The following ARX variants were observed in gnomAD, a reference collection of about 807,000 sequenced individuals.
ARX encodes the protein aristaless related homeobox.
A neutral mutation model predicts 23.1 loss-of-function variants in ARX; 1 was observed. That is an observed-to-expected ratio of 0.04 (90% confidence interval 0.02 to 0.21). The LOEUF (loss-of-function observed/expected upper bound fraction) is 0.21. Ranked by LOEUF, ARX falls within the 10% of genes least tolerant of loss-of-function variation. ARX has a pLI of 1.00. For synonymous variants in ARX, 301 were observed against 270.1 expected (o/e 1.11, Z -1.12); for missense variants, 380 against 527.5 (o/e 0.72, Z 2.74).
At chrX:25,009,376 GTTGCTGTCACA>G (rs1383891221) in intron 3 of ARX, among the ~76,000 whole-genome samples, 1 of 111,950 alleles carries the variant, frequency 8.9e-6, no homozygotes, top group Non-Finnish European at 1.9e-5. Flanking sequence ...AAAATACGGA[GTTGCTGTCACA>G]TCTCTGTTTG....
intron 2 of ARX, among the ~76,000 whole-genome samples, chrX:25,011,047 A>G (rs2048700108): frequency 8.9e-6 from 1 of 112,272 alleles, no homozygotes; most frequent in Non-Finnish European, 1.9e-5. Context: ...TACTGCGACA[A>G]TTAAGGCAAA....
At chrX:25,007,521 C>T in intron 3 of ARX, 82 bp from the exon 4 acceptor site, 1 of 1,069,162 alleles carries the variant, frequency 9.4e-7, no homozygotes, top group East Asian at 3.7e-5. Flanking sequence ...TCCCTTGGCG[C>T]GCTGCGGGGC....
rs2048664947 is a variant in ARX, at chrX:25,003,865, A to ATAT, written c.*802_*804dup. 9.0e-6 allele frequency: 1 copy of ATAT among 111,698 alleles called. No individual in the cohort carries two copies. The highest frequency in any genetic ancestry group is 1.9e-5 in the Non-Finnish European group (1 of 53,144). 9.2% of individuals were successfully genotyped at this position (111,698 alleles called of 1,213,427 possible). On this transcript the variant is annotated 3_prime_UTR_variant, in exon 5 of 5. Transcript: ENST00000379044. ...TTAAATAAAGGGCTTGAGTACATAA[A>ATAT]TATTTGTCTAGGAACCCTACCGTAT... is the stretch of plus-strand genomic sequence containing the variant.
chrX:25,015,473 C>T (rs2048722792), intron 1 of ARX, 69 bp downstream of exon 1: 1 of 1,142,268 alleles, frequency 8.8e-7, no homozygotes, highest in African/African-American at 1.8e-5. Context: ...AGGCCACTGG[C>T]CCCCGAACAC....
chrX:25,010,622 A>G (rs1453450510), intron 2 of ARX, among the ~76,000 whole-genome samples: 1 of 112,141 alleles, frequency 8.9e-6, no homozygotes, highest in Non-Finnish European at 1.9e-5. Context: ...GTCTTAAGCC[A>G]GAGTTAGACA....
chrX:25,011,382 G>T (rs2048702116), intron 2 of ARX, among the ~76,000 whole-genome samples: 1 of 112,097 alleles, frequency 8.9e-6, no homozygotes, highest in South Asian at 3.7e-4. Flanking sequence ...GGGTGGGGCG[G>T]GGAAGAGGAG....
chrX:25,009,142 C>T (rs1019801064), intron 3 of ARX, among the ~76,000 whole-genome samples: 3 of 111,554 alleles, frequency 2.7e-5, no homozygotes, highest in Non-Finnish European at 3.8e-5. Flanking sequence ...ACAGACAGAT[C>T]GTCTCTCCCG....
intron 4 of ARX, 89 bp downstream of exon 4, chrX:25,007,021 AC>A: frequency 1.9e-6 from 2 of 1,038,792 alleles, no homozygotes; most frequent in Non-Finnish European, 2.6e-6. Context: ...GATGTGTGTA[AC>A]CCTGTTTGAC....
chrX:25,007,239 G>A lies in ARX; in HGVS notation c.1320C>T (p.Ala440=). 9.3e-7 allele frequency: 1 copy of A among 1,080,474 alleles called. No individual in the cohort carries two copies. The highest frequency in any genetic ancestry group is 3.6e-5 in the East Asian group (1 of 27,798). The allele number at this position is 1,080,474 out of a possible 1,213,427, so 89.0% of individuals were successfully genotyped here. The change falls in exon 4 of 5, where the codon GCC becomes GCT. Residue 440 remains alanine (A), a synonymous_variant. Coordinates refer to ENST00000379044, the MANE Select transcript of ARX (RefSeq NM_139058.3). ...CCGGAGGCGGAGGTAGGCTCGGGAA[G>A]GCGGCGGCGGCGGCGGCGGCAGCGG... The part of the protein sequence containing the change: ...WTAAAAAAAA[A]FPSLPPPPGS...
Position 25,013,520 on chromosome X carries a change from G to T in ARX, c.475C>A (p.Leu159Ile). The T allele has an allele frequency of 1.2e-6, 1 of 856,620 alleles. No individual in the cohort carries two copies. The highest frequency in any genetic ancestry group is 1.4e-6 in the Non-Finnish European group (1 of 707,826). The allele number at this position is 856,620 out of a possible 1,213,427, so 70.6% of individuals were successfully genotyped here. The change falls in exon 2 of 5, where the codon CTC becomes ATC. Residue 159 changes from leucine to isoleucine, a missense_variant. This residue lies in a region of ARX where 235 missense variants were observed against 270.2 expected (regional missense o/e 0.87). Transcript: ENST00000379044. ...AAAAAAAWDT[L>I]KISQAPQVSI... ...ACCTGCGGCGCCTGGCTGATCTTGA[G>T]CGTGTCCCAGGCCGCGGCGGCCGCG...
intron 3 of ARX, among the ~76,000 whole-genome samples, chrX:25,008,502 G>A (rs2048688350): frequency 8.9e-6 from 1 of 111,824 alleles, no homozygotes. Flanking sequence ...CCTGAAACAT[G>A]GCAGCTACCA....
At chrX:25,010,436 T>G in intron 2 of ARX, 131 bp from the exon 3 acceptor site, 1 of 731,173 alleles carries the variant, frequency 1.4e-6, no homozygotes, top group Non-Finnish European at 2.1e-6. Context: ...CCCCCAAACA[T>G]ATGGGCATTA....
intron 2 of ARX, among the ~76,000 whole-genome samples, chrX:25,012,435 T>C (rs1393175507): frequency 8.9e-6 from 1 of 112,721 alleles, no homozygotes; most frequent in Non-Finnish European, 1.9e-5. Flanking sequence ...ACCAGGCCCC[T>C]GGGGCACCAG....
chrX:25,010,114 G>T, intron 3 of ARX, 146 bp downstream of exon 3: 1 of 647,096 alleles, frequency 1.5e-6, no homozygotes, highest in Non-Finnish European at 2.5e-6. Flanking sequence ...GTGAGAGAGT[G>T]CTTGGGTCTA....
chrX:25,013,842 G>T lies in ARX; in HGVS notation c.197-44C>A, dbSNP rs990617941. 5 of 898,700 alleles carry T rather than the reference G, an allele frequency of 5.6e-6. No homozygotes were observed. In the African/African-American group the frequency reaches 1.0e-4, roughly 19 times the overall value. 74.1% of individuals were successfully genotyped at this position (898,700 alleles called of 1,213,427 possible). On this transcript the variant is annotated intron_variant, in intron 1 of 4. Transcript: ENST00000379044. ...TATCAGCCAGCCGGCCGGCCGGGGA[G>T]TCCCAGCCAGGGCTGCTGCCGGGGC...
At position 25,007,138 on chromosome X, in the gene ARX, GGGTGTC is replaced by G; in HGVS notation, c.1415_1420del (p.Arg472_His473del). On this transcript the variant is annotated inframe_deletion, in exon 4 of 5. Coordinates refer to ENST00000379044, the MANE Select transcript of ARX (RefSeq NM_139058.3). ...GCCGAATGCCGGGCTGATGAAAGCT[GGGTGTC>G]GGAACACTGCCGCTCCGAGGAAAGT... 8.3e-7 allele frequency: 1 copy of G among 1,201,844 alleles called. No homozygotes were observed. Among genetic ancestry groups the G allele is most frequent in the Non-Finnish European group, 1.1e-6 (1 of 891,204 alleles).
intron 3 of ARX, among the ~76,000 whole-genome samples, chrX:25,008,995 C>T (rs966198865): frequency 3.6e-5 from 4 of 112,308 alleles, no homozygotes; most frequent in Admixed American, 9.4e-5. Flanking sequence ...TAGATGGGAC[C>T]GGACTGGGTG....
At chrX:25,012,823 C>G in intron 2 of ARX, 99 bp downstream of exon 2, 1 of 1,156,717 alleles carries the variant, frequency 8.6e-7, no homozygotes, top group Non-Finnish European at 1.2e-6. Context: ...AGGAGCCAAG[C>G]GTCCGCCCCG....
rs577600812 is a variant in ARX at position 25,010,205 on chromosome X, C to G, written c.1119+55G>C. ...CCCCGCCACCAACCCATCTCTCTCT[C>G]TCCCACTGGCCCCCAGCCCTCCTCC... is the stretch of plus-strand genomic sequence containing the variant. On this transcript the variant is annotated intron_variant, in intron 3 of 4. Transcript: ENST00000379044. The G allele has an allele frequency of 1.1e-5, 10 of 891,621 alleles. No individual in the cohort carries two copies. The South Asian group carries it at 1.6e-4, about 14-fold the overall frequency. 73.5% of individuals were successfully genotyped at this position (891,621 alleles called of 1,213,427 possible).
Sources: allele counts gnomAD v4.1 joint callset (sites outside exome capture counted in the v4.1 genomes callset), GRCh38; gene constraint gnomAD v4.1.1; regional missense constraint gnomAD v4.1.1; transcripts MANE v1.5; gene names NCBI Gene and HGNC (gene_info 2026-07-23, HGNC 2026-07-21).